Variants in OTOGL observed in about 807,000 individuals in gnomAD.
OTOGL encodes otogelin like.
A neutral mutation model predicts 318.5 loss-of-function variants in OTOGL; 285 were observed. The observed-to-expected ratio is 0.89, with a 90% CI of 0.81 to 0.99. The LOEUF (loss-of-function observed/expected upper bound fraction) is 0.99. Ranked by LOEUF, OTOGL falls within the 50% of genes least tolerant of loss-of-function variation. The pLI is 0.00. For missense variants in OTOGL, 2,899 were observed against 2,845.6 expected (o/e 1.02, Z -0.43); for synonymous variants, 987 against 936.5 (o/e 1.05, Z -0.99).
chr12:80,314,543 A>G (rs1487747709), intron 32 of OTOGL, among the ~76,000 whole-genome samples: 1 of 152,224 alleles, frequency 6.6e-6, no homozygotes, highest in Admixed American at 6.5e-5. Flanking sequence ...TGTGTAACTT[A>G]AGTTCTCAGA....
chr12:80,211,556 GAATT>G (rs1210758723), intron 3 of OTOGL, among the ~76,000 whole-genome samples: 2 of 152,102 alleles, frequency 1.3e-5, no homozygotes, highest in African/African-American at 4.8e-5. Context: ...GCACAGGAGA[GAATT>G]AAGTACTGTT....
intron 1 of OTOGL, among the ~76,000 whole-genome samples, chr12:80,105,801 A>G (rs1474681158): frequency 6.6e-6 from 1 of 152,188 alleles, no homozygotes; most frequent in Non-Finnish European, 1.5e-5. Context: ...TTAAATAACT[A>G]TATCTGAAGA....
At position 80,211,123 on chromosome 12, in the gene OTOGL, T is replaced by C. The variant is rs183672613; in HGVS notation, c.119+237T>C. On this transcript the variant is annotated intron_variant, in intron 3 of 58. Coordinates refer to ENST00000547103, the MANE Select transcript of OTOGL (RefSeq NM_001378609.3). ...AAAGTATTTCTTTTCCTTTTAATTA[T>C]AAAAGGAGTCTTTGATGACTGTTGG... Among the ~76,000 whole-genome samples the C allele has an allele frequency of 5.9e-3, 904 of 152,218 alleles. 10 individuals are homozygous for C. Among genetic ancestry groups the C allele is most frequent in the African/African-American group, 0.021 (868 of 41,558 alleles).
At chr12:80,145,768 C>T (rs1210563737) in intron 1 of OTOGL, among the ~76,000 whole-genome samples, 1 of 151,808 alleles carries the variant, frequency 6.6e-6, no homozygotes, top group Admixed American at 6.6e-5. Flanking sequence ...TGAAGAAGTC[C>T]TTCACATCCT....
chr12:80,102,770 T>A, intron 1 of OTOGL: 1 of 607,416 alleles, frequency 1.6e-6, no homozygotes, highest in East Asian at 2.7e-5. Flanking sequence ...AATAAAGTCC[T>A]ACTGATGGAT....
At chr12:80,285,785 G>C (rs1884573281) in intron 26 of OTOGL, among the ~76,000 whole-genome samples, 1 of 152,088 alleles carries the variant, frequency 6.6e-6, no homozygotes, top group Non-Finnish European at 1.5e-5. Context: ...GAGATGATGG[G>C]ATTTTCTAAA....
At chr12:80,284,775 A>G (rs1412951222) in intron 26 of OTOGL, among the ~76,000 whole-genome samples, 1 of 152,178 alleles carries the variant, frequency 6.6e-6, no homozygotes, top group Non-Finnish European at 1.5e-5. Flanking sequence ...GATTCTGGAT[A>G]TTAGACCTTT....
chr12:80,202,152 C>G (rs1876501569), intron 1 of OTOGL, among the ~76,000 whole-genome samples: 1 of 152,170 alleles, frequency 6.6e-6, no homozygotes, highest in African/African-American at 2.4e-5. Flanking sequence ...GAAGAGTGAG[C>G]TGGACTCAGC....
At chr12:80,304,566 T>C (rs1885986174) in intron 28 of OTOGL, among the ~76,000 whole-genome samples, 1 of 152,180 alleles carries the variant, frequency 6.6e-6, no homozygotes, top group Non-Finnish European at 1.5e-5. Flanking sequence ...GAAATATGAT[T>C]GTATATTGAA....
At chr12:80,321,071 A>G (rs1052567095) in intron 34 of OTOGL, among the ~76,000 whole-genome samples, 2 of 152,148 alleles carry the variant, frequency 1.3e-5, no homozygotes, top group Non-Finnish European at 2.9e-5. Context: ...TTTCTTTCCT[A>G]GAAGGCAACT....
At chr12:80,110,489 G>A (rs1199304313) in intron 1 of OTOGL, among the ~76,000 whole-genome samples, 1 of 152,200 alleles carries the variant, frequency 6.6e-6, no homozygotes, top group African/African-American at 2.4e-5. Context: ...ACTTATGAGT[G>A]AGAACATGCG....
At chr12:80,278,356 C>A in intron 25 of OTOGL, 81 bp downstream of exon 25, 1 of 1,127,830 alleles carries the variant, frequency 8.9e-7, no homozygotes, top group Non-Finnish European at 1.3e-6. Flanking sequence ...TTTAATGAGA[C>A]TGACATCAGC....
rs1446364456 is a variant in OTOGL, at chr12:80,249,664, AGGCCTCCTTGAGCTGTGGTG to A, written c.1053-2025_1053-2006del. Among the ~76,000 whole-genome samples, 49 of 152,268 alleles carry A rather than the reference AGGCCTCCTTGAGCTGTGGTG, an allele frequency of 3.2e-4. No homozygotes were observed. In the Middle Eastern group the frequency reaches 0.014, roughly 43 times the overall value. The stretch of plus-strand genomic sequence containing the variant: ...ATAGGTGGAGCCTACAGAGGCAGGT[AGGCCTCCTTGAGCTGTGGTG>A]GGCTCCACCCAGTTCGAGCTTCCCG... On this transcript the variant is annotated intron_variant, in intron 11 of 58. Transcript: ENST00000547103.
chr12:80,363,387 A>G (rs73141121), intron 52 of OTOGL, among the ~76,000 whole-genome samples: 11,350 of 152,184 alleles, frequency 0.075, 484 homozygotes, highest in East Asian at 0.17. Context: ...GAGCACTAAA[A>G]CATTAGAGGG....
At chr12:80,294,299 G>A (rs186286299) in intron 26 of OTOGL, among the ~76,000 whole-genome samples, 1 of 151,784 alleles carries the variant, frequency 6.6e-6, no homozygotes, top group African/African-American at 2.4e-5. Context: ...AATATTTCTT[G>A]ACATTTCAGA....
intron 26 of OTOGL, among the ~76,000 whole-genome samples, chr12:80,287,826 A>G (rs1379417439): frequency 6.6e-6 from 1 of 152,138 alleles, no homozygotes; most frequent in African/African-American, 2.4e-5. Flanking sequence ...AATATAGCAC[A>G]GCAATGGGTC....
chr12:80,364,395 A>T (rs1451582522), intron 52 of OTOGL, among the ~76,000 whole-genome samples: 2 of 152,148 alleles, frequency 1.3e-5, no homozygotes, highest in African/African-American at 2.4e-5. Context: ...GCATTTTTTT[A>T]AAATAATAAC....
intron 1 of OTOGL, among the ~76,000 whole-genome samples, chr12:80,159,590 G>T (rs1026856024): frequency 2.6e-5 from 4 of 152,074 alleles, no homozygotes; most frequent in African/African-American, 9.7e-5. Flanking sequence ...ACTGCTGAAA[G>T]AAATCATAGA....
chr12:80,286,434 T>G (rs1263375701), intron 26 of OTOGL, among the ~76,000 whole-genome samples: 1 of 152,206 alleles, frequency 6.6e-6, no homozygotes, highest in Admixed American at 6.5e-5. Flanking sequence ...TTTGGAATAG[T>G]TTCAGAAGGA....
Sources: allele counts gnomAD v4.1 joint callset (sites outside exome capture counted in the v4.1 genomes callset), GRCh38; gene constraint gnomAD v4.1.1; transcripts MANE v1.5; gene names NCBI Gene and HGNC (gene_info 2026-07-23, HGNC 2026-07-21).